AAK1: variants seen among roughly 807,000 people sequenced by gnomAD.
AAK1 encodes AP2 associated kinase 1.
A neutral mutation model predicts 116.0 loss-of-function variants in AAK1; 37 were observed. That is an observed-to-expected ratio of 0.32 (90% confidence interval 0.25 to 0.42). The LOEUF (loss-of-function observed/expected upper bound fraction) is 0.42, where lower values mean the gene tolerates loss of function less well. Among genes scored for constraint, AAK1 ranks in the 10% least tolerant of loss-of-function variants. The probability of loss-of-function intolerance (pLI) is 1.00; values close to 1 mark genes in which losing one functional copy is unlikely to be tolerated. For missense variants in AAK1, 919 were observed against 1,170.6 expected, an observed-to-expected ratio of 0.79 and a Z score of 3.14; for synonymous variants, 458 against 439.9, an observed-to-expected ratio of 1.04 and a Z score of -0.51.
intron 2 of AAK1, among the ~76,000 whole-genome samples, chr2:69,567,164 AAGGATCT>A (rs1477332725): frequency 5.9e-5 from 9 of 152,298 alleles, no homozygotes; most frequent in Admixed American, 5.9e-4. Context: ...CAATCTGCCT[AAGGATCT>A]TTGCACATGC....
chr2:69,514,357 G>A, intron 13 of AAK1, 114 bp downstream of exon 13: 1 of 1,356,720 alleles, frequency 7.4e-7, no homozygotes, highest in Non-Finnish European at 9.8e-7. Context: ...AACCACCCAG[G>A]TGGGAAAGCA....
At chr2:69,602,134 G>A (rs970322752) in intron 2 of AAK1, among the ~76,000 whole-genome samples, 1 of 152,142 alleles carries the variant, frequency 6.6e-6, no homozygotes, top group Non-Finnish European at 1.5e-5. Context: ...AAAATGTCAA[G>A]GTCATGAAAG....
chr2:69,461,784 G>A lies in AAK1; in HGVS notation c.*14085C>T. 2 of 298,794 alleles carry A rather than the reference G, an allele frequency of 6.7e-6. No individual in the cohort carries two copies. The highest frequency in any genetic ancestry group is 2.5e-5 in the South Asian group (1 of 40,048). The allele number at this position is 298,794 out of a possible 1,614,324, so 18.5% of individuals were successfully genotyped here. A position where few individuals can be genotyped will look rare whatever the true frequency, so the allele number is the denominator to read the frequency against. On this transcript the variant is annotated 3_prime_UTR_variant, in exon 22 of 22. Transcript: ENST00000409085. Reference sequence around the variant, plus strand: ...TTTTTGTATTTTTGGTAGAGACAGGGTTTCACCATGTTGGCCAGGCTGGTC... The same window carrying A: ...TTTTTGTATTTTTGGTAGAGACAGGATTTCACCATGTTGGCCAGGCTGGTC...
chr2:69,565,777 G>C (rs1299579457), intron 2 of AAK1, among the ~76,000 whole-genome samples: 1 of 151,964 alleles, frequency 6.6e-6, no homozygotes, highest in African/African-American at 2.4e-5. Flanking sequence ...TAAGAACCTG[G>C]GTGCACTATT....
rs372034201 is a variant in AAK1 at position 69,514,592 on chromosome 2, T to A, written c.1655A>T (p.His552Leu). ...CTGCTGAGTCATCAGCTGTTGTTGA[T>A]GCAGGGCTGTGGCCAGCTGTTGCTG... is the stretch of plus-strand genomic sequence containing the variant. ...QQQQQLATALHQQQLMTQQAA... is the reference protein window; with the variant it reads ...QQQQQLATALLQQQLMTQQAA... Residue 552 changes from histidine to leucine, a missense_variant, in exon 13 of 22, where the codon CAT becomes CTT. Physicochemically the swap from His to Leu is moderately conservative, Grantham distance 99 (BLOSUM62 -3). Transcript: ENST00000409085. The A allele has an allele frequency of 6.3e-7, 1 of 1,585,676 alleles. No homozygotes were observed. The highest frequency in any genetic ancestry group is 2.3e-5 in the East Asian group (1 of 43,908).
chr2:69,530,749 ATAAT>A (rs754609684), intron 6 of AAK1, 43 bp from the exon 7 acceptor site: 2 of 1,454,052 alleles, frequency 1.4e-6, no homozygotes, highest in East Asian at 2.3e-5. Context: ...TGTCAATACT[ATAAT>A]TAAAAACCAG....
At position 69,553,520 on chromosome 2, in the gene AAK1, T is replaced by C. The variant is rs531354649; in HGVS notation, c.282+3340A>G. Among the ~76,000 whole-genome samples the C allele has an allele frequency of 6.5e-4, 94 of 145,446 alleles. 1 individual carries two copies. In the South Asian group the frequency reaches 8.2e-3, roughly 13 times the overall value. ...GTGTAGTGGCGTGATGTTGGCTCAC[T>C]GTAACCTCCGCCTTCTGGGTTCAAG... On this transcript the variant is annotated intron_variant, in intron 3 of 21. Transcript: ENST00000409085.
In AAK1 at chr2:69,643,649, G is replaced by A; in HGVS notation, c.-309C>T. ...CACGGCCGCCGGGCCGGCCTGCGAC[G>A]CAGAGAAGAGGCGGCGCTGCAGCGA... On this transcript the variant is annotated 5_prime_UTR_variant, in exon 1 of 22. Coordinates refer to ENST00000409085, the MANE Select transcript of AAK1 (RefSeq NM_014911.5). The A allele has an allele frequency of 1.6e-6, 2 of 1,227,230 alleles. No homozygotes were observed. The highest frequency in any genetic ancestry group is 2.0e-6 in the Non-Finnish European group (2 of 985,118). 76.0% of individuals were successfully genotyped at this position (1,227,230 alleles called of 1,614,324 possible). A position where few individuals can be genotyped will look rare whatever the true frequency, so the allele number is the denominator to read the frequency against.
intron 5 of AAK1, among the ~76,000 whole-genome samples, chr2:69,541,276 G>T (rs1281197649): frequency 6.7e-6 from 1 of 148,530 alleles, no homozygotes; most frequent in Non-Finnish European, 1.5e-5. Context: ...TGTTGCTCAG[G>T]CTGGAGTGCA....
In AAK1 at chr2:69,482,780, T is replaced by C. The variant is rs1405090483; in HGVS notation, c.2398A>G (p.Thr800Ala). ...KLIEGLKSPD[T>A]SLLLPDLLPM... ...AAGAGGTCAGGGAGCAGAAGAGAAG[T>C]GTCAGGAGATTTGAGTCCCTCAATT... Residue 800 changes from threonine to alanine, a missense_variant, in exon 18 of 22, where the codon ACT becomes GCT. This residue lies in a region of AAK1 where 263 missense variants were observed against 285.5 expected (regional missense o/e 0.92). Transcript: ENST00000409085. 6.2e-7 allele frequency: 1 copy of C among 1,613,664 alleles called. No homozygotes were observed. The highest frequency in any genetic ancestry group is 1.6e-4 in the Middle Eastern group (1 of 6,062).
At position 69,473,822 on chromosome 2, in the gene AAK1, C is replaced by G; in HGVS notation, c.*2047G>C. 2 of 985,728 alleles carry G rather than the reference C, an allele frequency of 2.0e-6. No homozygotes were observed. Among genetic ancestry groups the G allele is most frequent in the Non-Finnish European group, 2.4e-6 (2 of 829,850 alleles). The allele number at this position is 985,728 out of a possible 1,614,324, so 61.1% of individuals were successfully genotyped here. On this transcript the variant is annotated 3_prime_UTR_variant, in exon 22 of 22. Transcript: ENST00000409085. The stretch of plus-strand genomic sequence containing the variant: ...TCCTTCATTAATTTATACATTCTTT[C>G]TATGTCCAGGAAAGAGAATACAATT...
At chr2:69,612,724 C>T (rs1415481737) in intron 2 of AAK1, among the ~76,000 whole-genome samples, 3 of 152,182 alleles carry the variant, frequency 2.0e-5, no homozygotes, top group Admixed American at 6.5e-5. Context: ...CAAGCCAATC[C>T]TTGGAAAATG....
chr2:69,472,204 T>C lies in AAK1; in HGVS notation c.*3665A>G. On this transcript the variant is annotated 3_prime_UTR_variant, in exon 22 of 22. Coordinates refer to ENST00000409085, the MANE Select transcript of AAK1 (RefSeq NM_014911.5). ...CTCTCTGAGAATTTTTTGTGGATTA[T>C]CCTTTTTACTGTCTTCAACAGTAAC... 1 of 974,370 alleles carries C rather than the reference T, an allele frequency of 1.0e-6. No individual in the cohort carries two copies. 60.4% of individuals were successfully genotyped at this position (974,370 alleles called of 1,614,324 possible). A position where few individuals can be genotyped will look rare whatever the true frequency, so the allele number is the denominator to read the frequency against.
chr2:69,532,504 T>C (rs1670299800), intron 5 of AAK1, among the ~76,000 whole-genome samples: 2 of 152,182 alleles, frequency 1.3e-5, no homozygotes, highest in Non-Finnish European at 2.9e-5. Context: ...CTTGCTCTTC[T>C]TTTAGGCCAG....
intron 2 of AAK1, among the ~76,000 whole-genome samples, chr2:69,572,620 T>TA (rs768419313): frequency 0.023 from 2,503 of 106,798 alleles, 150 homozygotes; most frequent in East Asian, 0.17. Flanking sequence ...ACTCTGTCTT[T>TA]AAAAAAAAAA....
intron 5 of AAK1, among the ~76,000 whole-genome samples, chr2:69,537,698 G>A (rs930394648): frequency 6.6e-6 from 1 of 152,354 alleles, no homozygotes; most frequent in African/African-American, 2.4e-5. Flanking sequence ...TGCAACGACA[G>A]AGCCAGGGTG....
chr2:69,614,053 A>G (rs1232365150), intron 2 of AAK1, among the ~76,000 whole-genome samples: 1 of 151,670 alleles, frequency 6.6e-6, no homozygotes, highest in African/African-American at 2.4e-5. Flanking sequence ...ACTGATTGTT[A>G]GTGTGGAAAA....
intron 2 of AAK1, among the ~76,000 whole-genome samples, chr2:69,588,988 T>C (rs1672905290): frequency 6.6e-6 from 1 of 152,320 alleles, no homozygotes; most frequent in African/African-American, 2.4e-5. Context: ...GAATCCACCT[T>C]GAGGGATATA....
chr2:69,512,133 A>G (rs1472850026), intron 13 of AAK1, among the ~76,000 whole-genome samples: 13 of 152,208 alleles, frequency 8.5e-5, no homozygotes, highest in Non-Finnish European at 1.5e-5. Flanking sequence ...AGGATTGGAA[A>G]GTGGGAGGAG....
Sources: gnomAD v4.1 joint callset for allele counts (sites outside exome capture counted in the v4.1 genomes callset) on GRCh38, gnomAD v4.1.1 for gene constraint, gnomAD v4.1.1 regional missense constraint, MANE v1.5 for transcripts, NCBI Gene and HGNC (gene_info 2026-07-23, HGNC 2026-07-21) for gene names.